PDE7A: variants seen among roughly 807,000 people sequenced by gnomAD.
PDE7A encodes the protein phosphodiesterase 7A.
In PDE7A, 39 loss-of-function variants were observed where a neutral mutation model predicts 64.3. That is an observed-to-expected ratio of 0.61 (90% CI 0.47 to 0.79). The LOEUF (loss-of-function observed/expected upper bound fraction) is 0.79, where lower values mean the gene tolerates loss of function less well. PDE7A is among the 30% of genes least tolerant of loss of function. The pLI is 0.00. For synonymous variants in PDE7A, 203 were observed against 206.8 expected (o/e 0.98, Z 0.16); for missense variants, 470 against 582.8 (o/e 0.81, Z 1.99).
At chr8:65,750,916 A>G (rs887845475) in intron 3 of PDE7A, among the ~76,000 whole-genome samples, 1 of 152,240 alleles carries the variant, frequency 6.6e-6, no homozygotes, top group Non-Finnish European at 1.5e-5. Context: ...TTGACTCACA[A>G]GGAAATGATC....
chr8:65,807,111 T>C (rs774702982), intron 1 of PDE7A, among the ~76,000 whole-genome samples: 1 of 152,250 alleles, frequency 6.6e-6, no homozygotes, highest in Admixed American at 6.5e-5. Flanking sequence ...ACTGAATCTG[T>C]AGATCAATTT....
chr8:65,765,343 G>C (rs1214877948), intron 3 of PDE7A, among the ~76,000 whole-genome samples: 2 of 150,714 alleles, frequency 1.3e-5, no homozygotes, highest in Non-Finnish European at 3.0e-5. Flanking sequence ...CAAAAAATTA[G>C]CCGGGCGTAG....
At chr8:65,760,813 C>T (rs1202552467) in intron 3 of PDE7A, among the ~76,000 whole-genome samples, 2 of 152,142 alleles carry the variant, frequency 1.3e-5, no homozygotes, top group African/African-American at 4.8e-5. Flanking sequence ...GGGAAGGTTA[C>T]ACCCAGGTGT....
chr8:65,734,163 C>T (rs1807026423), intron 7 of PDE7A, among the ~76,000 whole-genome samples: 1 of 152,204 alleles, frequency 6.6e-6, no homozygotes, highest in Non-Finnish European at 1.5e-5. Flanking sequence ...ACCCCCAAAA[C>T]TTGTTCTGCT....
At position 65,822,605 on chromosome 8, in the gene PDE7A, T is replaced by G. The variant is rs570520350; in HGVS notation, c.138+18766A>C. 5.9e-5 allele frequency among the ~76,000 whole-genome samples: 9 copies of G among 152,324 alleles called. 1 individual carries two copies. The South Asian group carries it at 1.9e-3, about 32-fold the overall frequency. ...CCAAACATACTGAAGTCGGAACAGA[T>G]CAGTGGACAAGGTCAGCTGTGCTAA... On this transcript the variant is annotated intron_variant, in intron 1 of 12. Transcript: ENST00000401827.
At chr8:65,807,421 T>C (rs1195833768) in intron 1 of PDE7A, among the ~76,000 whole-genome samples, 1 of 152,246 alleles carries the variant, frequency 6.6e-6, no homozygotes, top group Non-Finnish European at 1.5e-5. Flanking sequence ...AGTGCTAAAA[T>C]TTCTTTAGTA....
At chr8:65,830,399 T>A (rs1324039801) in intron 1 of PDE7A, among the ~76,000 whole-genome samples, 1 of 152,094 alleles carries the variant, frequency 6.6e-6, no homozygotes, top group Non-Finnish European at 1.5e-5. Context: ...GCATACAACC[T>A]AGAAGAATGG....
intron 1 of PDE7A, among the ~76,000 whole-genome samples, chr8:65,809,043 G>A (rs1023445464): frequency 5.9e-5 from 9 of 152,316 alleles, no homozygotes; most frequent in African/African-American, 1.9e-4. Context: ...AGTAGCACTG[G>A]ACCAAGAGTT....
At chr8:65,755,968 C>T (rs1808222298) in intron 3 of PDE7A, among the ~76,000 whole-genome samples, 1 of 152,192 alleles carries the variant, frequency 6.6e-6, no homozygotes, top group South Asian at 2.1e-4. Flanking sequence ...ACTCCCTCAA[C>T]TTTTGTTTGT....
At chr8:65,801,722 G>A (rs994091640) in intron 1 of PDE7A, among the ~76,000 whole-genome samples, 1 of 152,088 alleles carries the variant, frequency 6.6e-6, no homozygotes, top group African/African-American at 2.4e-5. Flanking sequence ...AATTTATGCA[G>A]GCTGGCAAAA....
chr8:65,761,701 C>T (rs891887307), intron 3 of PDE7A, among the ~76,000 whole-genome samples: 4 of 152,214 alleles, frequency 2.6e-5, no homozygotes, highest in African/African-American at 7.2e-5. Context: ...TTAGTGATCA[C>T]GGGTATTACT....
At chr8:65,724,140 A>G in intron 11 of PDE7A, 115 bp downstream of exon 11, 1 of 621,728 alleles carries the variant, frequency 1.6e-6, no homozygotes, top group African/African-American at 1.8e-5. Flanking sequence ...AATTGTTACT[A>G]AAAATGTCAA....
At chr8:65,759,120 CT>C (rs1808375134) in intron 3 of PDE7A, among the ~76,000 whole-genome samples, 1 of 152,214 alleles carries the variant, frequency 6.6e-6, no homozygotes. Context: ...CATTTTACGT[CT>C]TTTCCAAACT....
intron 9 of PDE7A, among the ~76,000 whole-genome samples, chr8:65,726,612 G>A (rs528270706): frequency 2.6e-5 from 4 of 152,232 alleles, no homozygotes; most frequent in South Asian, 4.2e-4. Context: ...AACTATGGCT[G>A]AGCAATTGTG....
At chr8:65,748,279 C>T (rs1807780050) in intron 3 of PDE7A, among the ~76,000 whole-genome samples, 1 of 152,046 alleles carries the variant, frequency 6.6e-6, no homozygotes, top group Non-Finnish European at 1.5e-5. Flanking sequence ...AATGAGGTAT[C>T]ATTTCAAATA....
intron 1 of PDE7A, among the ~76,000 whole-genome samples, chr8:65,833,925 T>C (rs1204009621): frequency 6.6e-6 from 1 of 152,094 alleles, no homozygotes; most frequent in Non-Finnish European, 1.5e-5. Context: ...CACTCTAGCC[T>C]GGGAGACAGA....
At chr8:65,762,586 GA>G (rs1439222731) in intron 3 of PDE7A, among the ~76,000 whole-genome samples, 5 of 152,046 alleles carry the variant, frequency 3.3e-5, no homozygotes, top group African/African-American at 1.2e-4. Flanking sequence ...GGCCCCACAA[GA>G]CTGTTAAAGA....
chr8:65,832,266 C>T (rs1419390873), intron 1 of PDE7A, among the ~76,000 whole-genome samples: 1 of 151,916 alleles, frequency 6.6e-6, no homozygotes, highest in Admixed American at 6.6e-5. Flanking sequence ...CATTTAAGTG[C>T]TAACATAATA....
At chr8:65,828,108 A>T (rs1423168991) in intron 1 of PDE7A, among the ~76,000 whole-genome samples, 1 of 152,176 alleles carries the variant, frequency 6.6e-6, no homozygotes, top group African/African-American at 2.4e-5. Context: ...TATTTCAAAA[A>T]ATAGCTTTGT....
Sources: allele counts gnomAD v4.1 joint callset (sites outside exome capture counted in the v4.1 genomes callset), GRCh38; gene constraint gnomAD v4.1.1; transcripts MANE v1.5; gene names NCBI Gene and HGNC (gene_info 2026-07-23, HGNC 2026-07-21).